The following CTCFL variants were observed in gnomAD, a reference collection of about 807,000 sequenced individuals.
The protein encoded by CTCFL is transcriptional repressor CTCFL.
A neutral mutation model predicts 67.4 loss-of-function variants in CTCFL; 36 were observed. That is an observed-to-expected ratio of 0.53 (90% CI 0.41 to 0.71). The LOEUF is 0.71. Among genes scored for constraint, CTCFL ranks in the 30% least tolerant of loss-of-function variants. The pLI is 0.00. For missense variants in CTCFL, 786 were observed against 835.2 expected (o/e 0.94, Z 0.73); for synonymous variants, 324 against 302.3 (o/e 1.07, Z -0.75).
Position 57,523,156 on chromosome 20 carries a change from T to A in CTCFL, c.666A>T (p.Ser222=). The A allele has an allele frequency of 6.2e-7, 1 of 1,614,076 alleles. No homozygotes were observed. Among genetic ancestry groups the A allele is most frequent in the Non-Finnish European group, 8.5e-7 (1 of 1,180,028 alleles). ...GTTGATCCTCTTGTTCTTCCACATT[T>A]GAATTTGAAACTGTGAGAACAATTT... ...SDEIVLTVSN[S]NVEEQEDQPT... is the part of the protein sequence containing the mutation. Residue 222 remains serine, a synonymous_variant, in exon 3 of 11, where the codon TCA becomes TCT. Transcript: ENST00000243914.
chr20:57,508,185 C>T (rs774891213), intron 9 of CTCFL, among the ~76,000 whole-genome samples: 2 of 152,156 alleles, frequency 1.3e-5, no homozygotes, highest in Non-Finnish European at 2.9e-5. Context: ...AATCCTCCCA[C>T]CTTGGCCTCT....
At position 57,512,584 on chromosome 20, in the gene CTCFL, T is replaced by G; in HGVS notation, c.1491+8A>C. ...CACTGCCTCTCCAAATTAAGTAAAG[T>G]ACAATACCTGCTTGCAGGCATAACT... On this transcript the variant is annotated splice_region_variant and intron_variant, in intron 8 of 10. Coordinates refer to ENST00000243914, the MANE Select transcript of CTCFL (RefSeq NM_001386993.1). 1.2e-6 allele frequency: 2 copies of G among 1,613,930 alleles called. No individual in the cohort carries two copies. Among genetic ancestry groups the G allele is most frequent in the South Asian group, 2.2e-5 (2 of 91,062 alleles).
At chr20:57,508,011 T>C (rs1406465704) in intron 9 of CTCFL, 12 of 617,324 alleles carry the variant, frequency 1.9e-5, no homozygotes, top group Non-Finnish European at 3.5e-5. Context: ...GGTGCGATCG[T>C]GACTCACTGT....
intron 8 of CTCFL, among the ~76,000 whole-genome samples, 169 bp downstream of exon 8, chr20:57,512,423 G>A (rs1360858317): frequency 1.3e-5 from 2 of 152,242 alleles, no homozygotes; most frequent in Non-Finnish European, 2.9e-5. Flanking sequence ...CATACTTTAA[G>A]AACTGTTGTT....
Position 57,503,435 on chromosome 20 carries a change from C to T in CTCFL, c.1840+1G>A. The T allele has an allele frequency of 1.2e-6, 2 of 1,614,054 alleles. No individual in the cohort carries two copies. Among genetic ancestry groups the T allele is most frequent in the Non-Finnish European group, 1.7e-6 (2 of 1,179,958 alleles). Reference sequence around the variant, plus strand: ...AAAACAAATCTGCGTAAAATCAGTACCGTCTCCGTTCGCGGCTTCCTTCCA... The same window carrying T: ...AAAACAAATCTGCGTAAAATCAGTATCGTCTCCGTTCGCGGCTTCCTTCCA... On this transcript the variant is annotated splice_donor_variant, in intron 10 of 10. Coordinates refer to ENST00000243914, the MANE Select transcript of CTCFL (RefSeq NM_001386993.1). LOFTEE classifies it high-confidence loss of function.
intron 2 of CTCFL, among the ~76,000 whole-genome samples, 176 bp from the exon 3 acceptor site, chr20:57,523,454 T>C (rs373552163): frequency 6.6e-6 from 1 of 152,206 alleles, no homozygotes; most frequent in Non-Finnish European, 1.5e-5. Context: ...TTTTAAAACA[T>C]AATGCGCCTT....
In CTCFL at chr20:57,519,027, C is replaced by A. The variant is rs1001117555; in HGVS notation, c.926-136G>T. 15 of 1,202,586 alleles carry A rather than the reference C, an allele frequency of 1.2e-5. No homozygotes were observed. In the African/African-American group the frequency reaches 2.3e-4, roughly 19 times the overall value. The allele number at this position is 1,202,586 out of a possible 1,614,324, so 74.5% of individuals were successfully genotyped here. On this transcript the variant is annotated intron_variant, in intron 4 of 10. Transcript: ENST00000243914. Reference sequence around the variant, plus strand: ...AAGAGGCTCCTTAAACTATAAATACCACAGATGCATGTGAGAAAAATCTTT... The same window carrying A: ...AAGAGGCTCCTTAAACTATAAATACAACAGATGCATGTGAGAAAAATCTTT...
At chr20:57,513,951 C>A in intron 7 of CTCFL, 3 of 1,221,660 alleles carry the variant, frequency 2.5e-6, no homozygotes, top group Non-Finnish European at 3.2e-6. Flanking sequence ...GGCTTCCCCA[C>A]AGGCAGTATC....
intron 9 of CTCFL, among the ~76,000 whole-genome samples, chr20:57,505,204 T>C (rs1221481104): frequency 6.6e-6 from 1 of 151,772 alleles, no homozygotes; most frequent in Non-Finnish European, 1.5e-5. Context: ...CTAGCTTGCT[T>C]TAAGTATTTT....
intron 9 of CTCFL, 38 bp from the exon 10 acceptor site, chr20:57,503,639 A>G: frequency 6.2e-7 from 1 of 1,609,288 alleles, no homozygotes; most frequent in African/African-American, 1.3e-5. Flanking sequence ...AAGGCGAGTG[A>G]GATGGGGCAG....
intron 5 of CTCFL, among the ~76,000 whole-genome samples, chr20:57,518,278 A>G (rs1172608084): frequency 6.6e-6 from 1 of 152,232 alleles, no homozygotes; most frequent in Non-Finnish European, 1.5e-5. Flanking sequence ...TAAAATGACT[A>G]TGGCACACCT....
intron 9 of CTCFL, among the ~76,000 whole-genome samples, chr20:57,506,232 A>C (rs62206177): frequency 0.14 from 20,983 of 152,190 alleles, 1,870 homozygotes; most frequent in East Asian, 0.35. Flanking sequence ...TGCCCTGGTG[A>C]TTAATGACGC....
At chr20:57,515,070 C>A (rs540535575) in intron 6 of CTCFL, 22 of 277,680 alleles carry the variant, frequency 7.9e-5, no homozygotes, top group African/African-American at 4.6e-4. Flanking sequence ...ACCTCTGTTA[C>A]AAAAGCAGCA....
chr20:57,512,901 T>G lies in CTCFL; in HGVS notation c.1331-149A>C. On this transcript the variant is annotated intron_variant, in intron 7 of 10. Coordinates refer to ENST00000243914, the MANE Select transcript of CTCFL (RefSeq NM_001386993.1). ...GGGCAGGGTGGGCTATCCTGTGCAT[T>G]GTAGGATGTTAAGCAGCATTCCTGG... 4.5e-6 allele frequency: 3 copies of G among 672,796 alleles called. No individual in the cohort carries two copies. In the South Asian group the frequency reaches 6.3e-5, roughly 14 times the overall value. The allele number at this position is 672,796 out of a possible 1,614,324, so 41.7% of individuals were successfully genotyped here. A position where few individuals can be genotyped will look rare whatever the true frequency, so the allele number is the denominator to read the frequency against.
At chr20:57,524,287 T>A in intron 1 of CTCFL, 71 bp from the exon 2 acceptor site, 1 of 1,513,950 alleles carries the variant, frequency 6.6e-7, no homozygotes. Context: ...ATGCGGGGGG[T>A]GCTGGAACCT....
chr20:57,508,085 G>A (rs529832605), intron 9 of CTCFL, among the ~76,000 whole-genome samples: 190 of 152,248 alleles, frequency 1.2e-3, no homozygotes, highest in African/African-American at 4.3e-3. Flanking sequence ...TAGGCCTACA[G>A]GGGTGCACCA....
In CTCFL at chr20:57,523,751, T is replaced by C; in HGVS notation, c.455A>G (p.Gln152Arg). The change falls in exon 2 of 11, where the codon CAG (glutamine) becomes CGG (arginine). Residue 152 changes from glutamine to arginine, a missense_variant. Coordinates refer to ENST00000243914, the MANE Select transcript of CTCFL (RefSeq NM_001386993.1). ...LYSPQEMEVLQFHALEENVMV... is the reference protein window; with the variant it reads ...LYSPQEMEVLRFHALEENVMV... ...CACATTCTCCTCTAGAGCGTGGAACTGCAACACCTCCATCTCTTGCGGGGA... is the reference window on the plus strand; with the variant it reads ...CACATTCTCCTCTAGAGCGTGGAACCGCAACACCTCCATCTCTTGCGGGGA... 3.1e-6 allele frequency: 5 copies of C among 1,613,430 alleles called. No individual in the cohort carries two copies. Among genetic ancestry groups the C allele is most frequent in the Non-Finnish European group, 4.2e-6 (5 of 1,180,044 alleles).
At position 57,512,720 on chromosome 20, in the gene CTCFL, C is replaced by T. The variant is rs572666290; in HGVS notation, c.1363G>A (p.Ala455Thr). Residue 455 changes from alanine to threonine, a missense_variant, in exon 8 of 11, where the codon GCT (alanine) becomes ACT (threonine). Ala to Thr is a moderately conservative substitution (Grantham distance 58). Transcript: ENST00000243914. ...CAGTAGCGGCATTTCAGCTCTGCAG[C>T]GCTGTAAGCATGCAAGTTGCGCATA... ...VHMRNLHAYS[A>T]AELKCRYCSA... 1.5e-5 allele frequency: 24 copies of T among 1,614,180 alleles called. No individual in the cohort carries two copies. The highest frequency in any genetic ancestry group is 4.4e-5 in the South Asian group (4 of 91,080).
At chr20:57,511,612 G>C (rs6070125) in intron 8 of CTCFL, among the ~76,000 whole-genome samples, 55,838 of 145,426 alleles carry the variant, frequency 0.38, 10,730 homozygotes, top group Middle Eastern at 0.5. Flanking sequence ...TTTTTTTTGA[G>C]ATGGAGTTTT....
Sources: gnomAD v4.1 joint callset for allele counts (sites outside exome capture counted in the v4.1 genomes callset) on GRCh38, gnomAD v4.1.1 for gene constraint, MANE v1.5 for transcripts, NCBI Gene and HGNC (gene_info 2026-07-23, HGNC 2026-07-21) for gene names.